Variants in ABITRAM observed in about 807,000 individuals in gnomAD.
The protein encoded by ABITRAM is actin binding transcription modulator, also known as protein Abitram.
In ABITRAM, 19 loss-of-function variants were observed where a neutral mutation model predicts 22.9. That is an observed-to-expected ratio of 0.83 (90% CI 0.58 to 1.22). The LOEUF is 1.22. Ranked by LOEUF, ABITRAM falls within the 50% of genes most tolerant of loss-of-function variation. The probability of loss-of-function intolerance (pLI) is 0.00; values close to 1 mark genes in which losing one functional copy is unlikely to be tolerated. For synonymous variants in ABITRAM, 70 were observed against 73.9 expected, an observed-to-expected ratio of 0.95 and a Z score of 0.27; for missense variants, 215 against 220.2, an observed-to-expected ratio of 0.98 and a Z score of 0.15.
At chr9:108,937,607 A>G (rs1369397830) in intron 3 of ABITRAM, among the ~76,000 whole-genome samples, 1 of 152,186 alleles carries the variant, frequency 6.6e-6, no homozygotes, top group South Asian at 2.1e-4. Flanking sequence ...GGACTTAGAA[A>G]AGCATGCACC....
intron 3 of ABITRAM, among the ~76,000 whole-genome samples, chr9:108,946,646 C>A (rs1348974864): frequency 6.6e-6 from 1 of 152,214 alleles, no homozygotes; most frequent in African/African-American, 2.4e-5. Flanking sequence ...TGTCTATATT[C>A]TGCCATTAGA....
intron 3 of ABITRAM, among the ~76,000 whole-genome samples, chr9:108,938,900 T>C (rs757015913): frequency 3.9e-5 from 6 of 152,248 alleles, no homozygotes; most frequent in Non-Finnish European, 8.8e-5. Flanking sequence ...TTGAAATCTT[T>C]ATACCTGGTT....
At chr9:108,945,346 A>G (rs535239303), downstream of ABITRAM, among the ~76,000 whole-genome samples, 28 of 152,352 alleles carry the variant, frequency 1.8e-4, no homozygotes, top group Non-Finnish European at 3.5e-4. Context: ...ATCTAAGTTA[A>G]TGTAAATGCT....
At chr9:108,947,617 T>G (rs1830444664) in intron 3 of ABITRAM, among the ~76,000 whole-genome samples, 1 of 152,016 alleles carries the variant, frequency 6.6e-6, no homozygotes, top group Non-Finnish European at 1.5e-5. Flanking sequence ...CTAGAGGGAG[T>G]AGAATTACAG....
chr9:108,943,095 G>T, downstream of ABITRAM: 2 of 1,467,478 alleles, frequency 1.4e-6, 1 homozygote, highest in Non-Finnish European at 1.9e-6. Flanking sequence ...GTACTTAAAA[G>T]ACCTTACCAT....
At chr9:108,942,671 T>C (rs1468191353), downstream of ABITRAM, 1 of 873,502 alleles carries the variant, frequency 1.1e-6, no homozygotes, top group South Asian at 1.6e-5. Flanking sequence ...GTTTTCTTTA[T>C]AAAATTGATG....
At chr9:108,948,157 T>A (rs1830458983) in intron 3 of ABITRAM, 8 of 1,606,886 alleles carry the variant, frequency 5.0e-6, no homozygotes, top group Non-Finnish European at 6.8e-6. Context: ...GAAATTAAAG[T>A]ACTAGCATAA....
At chr9:108,949,690 A>C (rs1587943182) in intron 3 of ABITRAM, among the ~76,000 whole-genome samples, 1 of 152,196 alleles carries the variant, frequency 6.6e-6, no homozygotes, top group East Asian at 1.9e-4. Flanking sequence ...CTAAAACTAC[A>C]AAAATTAGCC....
chr9:108,948,351 A>G (rs893404263), intron 3 of ABITRAM: 40 of 857,336 alleles, frequency 4.7e-5, no homozygotes, highest in Non-Finnish European at 6.9e-5. Context: ...TTGAAGAATA[A>G]TATGAATAGA....
chr9:108,949,968 G>A (rs769421679), intron 3 of ABITRAM, among the ~76,000 whole-genome samples: 5 of 149,128 alleles, frequency 3.4e-5, no homozygotes, highest in Non-Finnish European at 5.9e-5. Context: ...AGGTTGCAGT[G>A]AGCCGAGATC....
At position 108,934,503 on chromosome 9, in the gene ABITRAM, A is replaced by C. The variant is rs138701847; in HGVS notation, c.17A>C (p.Glu6Ala). 2.9e-5 allele frequency: 46 copies of C among 1,605,258 alleles called. No individual in the cohort carries two copies. In the African/African-American group the frequency reaches 5.5e-4, roughly 19 times the overall value. Residue 6 changes from glutamate to alanine, a missense_variant, in exon 1 of 6, where the codon GAA becomes GCA. Coordinates refer to ENST00000322940, the MANE Select transcript of ABITRAM (RefSeq NM_017832.4). Reference protein sequence around the residue: MATEPEAAEPVVPSLV... With the variant: MATEPAAAEPVVPSLV... ...GAGGTCGCCATGGCTACCGAGCCCG[A>C]AGCCGCGGAGCCGGTGGTGCCTTCG...
At chr9:108,944,359 A>T (rs1284062258), downstream of ABITRAM, among the ~76,000 whole-genome samples, 1 of 152,212 alleles carries the variant, frequency 6.6e-6, no homozygotes, top group East Asian at 1.9e-4. Flanking sequence ...AATATGCTCA[A>T]TTATAAAAGG....
rs1830228882 is a variant in ABITRAM, at chr9:108,939,377, T to G, written c.339-8T>G. The G allele has an allele frequency of 1.9e-6, 3 of 1,600,414 alleles. No homozygotes were observed. The highest frequency in any genetic ancestry group is 2.5e-6 in the Non-Finnish European group (3 of 1,176,564). On this transcript the variant is annotated splice_polypyrimidine_tract_variant and splice_region_variant and intron_variant, in intron 4 of 5. Transcript: ENST00000322940. ...TAAACATGCTGAAATCTTAAATTTT[T>G]TTAATAGTTGTGTTAGAGGACGTTT...
At chr9:108,943,707 A>G, downstream of ABITRAM, 7 of 1,608,408 alleles carry the variant, frequency 4.4e-6, no homozygotes, top group Non-Finnish European at 5.9e-6. Flanking sequence ...TTTTACCTTT[A>G]GAAATACTTT....
rs541571356 is a variant in ABITRAM, at chr9:108,940,638, G to A, written c.*952G>A. On this transcript the variant is annotated 3_prime_UTR_variant, in exon 6 of 6. Coordinates refer to ENST00000322940, the MANE Select transcript of ABITRAM (RefSeq NM_017832.4). ...ATGAAAAATACAAAGGCTTTCCTAG[G>A]AAATGTGTTATAATGCAGCGGGAAG... 1.3e-5 allele frequency: 2 copies of A among 152,268 alleles called. No individual in the cohort carries two copies. Among genetic ancestry groups the A allele is most frequent in the South Asian group, 4.1e-4 (2 of 4,822 alleles). The allele number at this position is 152,268 out of a possible 1,614,324, so 9.4% of individuals were successfully genotyped here.
chr9:108,943,918 T>C (rs576450579), downstream of ABITRAM: 3 of 1,604,482 alleles, frequency 1.9e-6, no homozygotes, highest in Admixed American at 1.7e-5. Context: ...AAGTAGGTTA[T>C]ACATAATACC....
intron 3 of ABITRAM, among the ~76,000 whole-genome samples, chr9:108,948,015 A>C (rs1466719326): frequency 6.6e-6 from 1 of 152,226 alleles, no homozygotes; most frequent in East Asian, 1.9e-4. Flanking sequence ...TAGTTTTGCA[A>C]AATGTCATTG....
chr9:108,935,703 G>C lies in ABITRAM; in HGVS notation c.131+14G>C, dbSNP rs746746386. On this transcript the variant is annotated intron_variant, in intron 2 of 5. Coordinates refer to ENST00000322940, the MANE Select transcript of ABITRAM (RefSeq NM_017832.4). ...GCACTCTAACCGGTAAGCAAATTGG[G>C]AATTTTAAATTATCAAAAATTTTTT... 22 of 1,609,160 alleles carry C rather than the reference G, an allele frequency of 1.4e-5. No individual in the cohort carries two copies. The highest frequency in any genetic ancestry group is 1.9e-5 in the Non-Finnish European group (22 of 1,176,430).
chr9:108,941,553 TCA>T (rs989146211), downstream of ABITRAM, among the ~76,000 whole-genome samples: 1 of 152,200 alleles, frequency 6.6e-6, no homozygotes, highest in Admixed American at 6.5e-5. Flanking sequence ...GCTGAGTGCA[TCA>T]CATTTTCTCC....
Sources: gnomAD v4.1 joint callset for allele counts (sites outside exome capture counted in the v4.1 genomes callset) on GRCh38, gnomAD v4.1.1 for gene constraint, MANE v1.5 for transcripts, NCBI Gene and HGNC (gene_info 2026-07-23, HGNC 2026-07-21) for gene names.